Variants in TNXB observed in about 807,000 individuals in gnomAD.
TNXB encodes tenascin-X.
TNXB carries 183 observed loss-of-function variants against 340.5 expected under a neutral mutation model. The ratio of observed to expected loss-of-function variants is 0.54; its 90% confidence interval spans 0.48 to 0.61. TNXB has a LOEUF of 0.61. TNXB is among the 20% of genes least tolerant of loss of function. TNXB has a pLI of 0.00. For synonymous variants in TNXB, 2,121 were observed against 2,314.5 expected (o/e 0.92, Z 2.40); for missense variants, 4,613 against 5,446.4 (o/e 0.85, Z 4.82).
Position 32,043,765 on chromosome 6 carries a change from T to C in TNXB, c.11514A>G (p.Thr3838=). Residue 3838 remains threonine, a synonymous_variant, in exon 35 of 44, where the codon ACA becomes ACG. Coordinates refer to ENST00000644971, the MANE Select transcript of TNXB (RefSeq NM_001365276.2). ...CCATCTCACCCGTGGTGAGGAAGCC[T>C]GTGAGAGGCTCACTCTCCTCAAAGC... ...VRGFEESEPL[T]GFLTTVPDGP... is the part of the protein sequence containing the mutation. 6.2e-7 allele frequency: 1 copy of C among 1,613,476 alleles called. No individual in the cohort carries two copies.
chr6:32,105,503 T>C (rs1780934890), intron 1 of TNXB, among the ~76,000 whole-genome samples: 1 of 152,210 alleles, frequency 6.6e-6, no homozygotes, highest in African/African-American at 2.4e-5. Context: ...TTGGCTGCTG[T>C]ATCCCTGCAT....
rs1481278542 is a variant in TNXB, at chr6:32,079,337, G to T, written c.4071C>A (p.Pro1357=). 5.0e-6 allele frequency: 8 copies of T among 1,610,366 alleles called. No homozygotes were observed. Among genetic ancestry groups the T allele is most frequent in the East Asian group, 2.2e-5 (1 of 44,836 alleles). ...TAPQEDVDET[P]SPTELGTEAP... Reference sequence around the variant, plus strand: ...CCTCCGTGCCCAGTTCTGTGGGGCTGGGGGTCTCGTCCACATCCTCCTGAG... The same window carrying T: ...CCTCCGTGCCCAGTTCTGTGGGGCTTGGGGTCTCGTCCACATCCTCCTGAG... The change falls in exon 11 of 44, where the codon CCC becomes CCA. Residue 1357 remains proline, a synonymous_variant. Coordinates refer to ENST00000644971, the MANE Select transcript of TNXB (RefSeq NM_001365276.2). This position sits in a 1 kb window ranked among gnomAD's most constrained non-coding sequence, Gnocchi z 7.1.
chr6:32,054,014 T>G (rs551128068), intron 24 of TNXB, among the ~76,000 whole-genome samples: 18 of 152,012 alleles, frequency 1.2e-4, no homozygotes, highest in South Asian at 6.3e-4. Context: ...CCTGCACTGG[T>G]GTCTCCTCGC....
At position 32,062,532 on chromosome 6, in the gene TNXB, A is replaced by C. The variant is rs1304764574; in HGVS notation, c.6842-49T>G. ...GGGCATGCCTGGTGGGCCTCCTTTT[A>C]ACCAAGGGACTCTGGGATTCTCTTA... is the stretch of plus-strand genomic sequence containing the variant. On this transcript the variant is annotated intron_variant, in intron 19 of 43. Coordinates refer to ENST00000644971, the MANE Select transcript of TNXB (RefSeq NM_001365276.2). This position sits in a 1 kb window ranked among gnomAD's most constrained non-coding sequence, Gnocchi z 4.3. 3.3e-6 allele frequency: 5 copies of C among 1,508,780 alleles called. No homozygotes were observed. The highest frequency in any genetic ancestry group is 4.5e-6 in the Non-Finnish European group (5 of 1,119,714). 93.5% of individuals were successfully genotyped at this position (1,508,780 alleles called of 1,614,324 possible).
rs986920165 is a variant in TNXB, at chr6:32,108,302, C to T, written c.-9+879G>A. On this transcript the variant is annotated intron_variant, in intron 1 of 43. Transcript: ENST00000644971. The surrounding 1 kb of genome is among the most constrained non-coding windows in gnomAD (Gnocchi z 4.8). ...TCTATGCCATTAAATTCTTTCCAGG[C>T]GAGATAAGGGGCCCGCCCTTCCCAC... 2.0e-5 allele frequency among the ~76,000 whole-genome samples: 3 copies of T among 152,110 alleles called. No individual in the cohort carries two copies. The highest frequency in any genetic ancestry group is 4.4e-5 in the Non-Finnish European group (3 of 68,028).
In TNXB at chr6:32,068,603, G is replaced by A; in HGVS notation, c.6007C>T (p.Leu2003Phe). The A allele has an allele frequency of 6.2e-7, 1 of 1,613,944 alleles. No individual in the cohort carries two copies. ...LTVTDATPDS[L>F]SLSWTVPEGQ... is the part of the protein sequence containing the mutation. ...TCGGGAACTGTCCAGGACAGGCTGA[G>A]GGAGTCAGGGGTGGCATCTGTCACG... is the stretch of plus-strand genomic sequence containing the variant. Residue 2003 changes from leucine (L) to phenylalanine (F), a missense_variant, in exon 17 of 44, where the codon CTC becomes TTC. This residue lies in a region of TNXB where 4,327 missense variants were observed against 4,859.4 expected (regional missense o/e 0.89). Transcript: ENST00000644971. This position sits in a 1 kb window ranked among gnomAD's most constrained non-coding sequence, Gnocchi z 5.3.
chr6:32,099,178 C>T (rs1301919614), intron 1 of TNXB, among the ~76,000 whole-genome samples: 2 of 151,896 alleles, frequency 1.3e-5, no homozygotes, highest in Non-Finnish European at 2.9e-5. Context: ...ACACCTGGAT[C>T]CCAGCTCCTA....
Position 32,088,855 on chromosome 6 carries a change from T to C in TNXB, c.2709A>G (p.Glu903=), listed in dbSNP as rs770876303. 13 of 1,583,982 alleles carry C rather than the reference T, an allele frequency of 8.2e-6. No homozygotes were observed. In the Admixed American group the frequency reaches 2.4e-4, roughly 29 times the overall value. ...GCTCCGCTGTGACAGTCACCACATA[T>C]TCTACGCCTGGCATCAGGTCAGTCA... ...TLLTDLMPGV[E]YVVTVTAERG... Residue 903 remains glutamate, a synonymous_variant, in exon 6 of 44, where the codon GAA becomes GAG. Transcript: ENST00000644971.
rs1779414869 is a variant in TNXB, at chr6:32,081,365, C to T, written c.4042+3G>A. 6.5e-6 allele frequency: 10 copies of T among 1,531,272 alleles called. No individual in the cohort carries two copies. The highest frequency in any genetic ancestry group is 8.8e-6 in the Non-Finnish European group (10 of 1,133,000). 94.9% of individuals were successfully genotyped at this position (1,531,272 alleles called of 1,614,324 possible). A position where few individuals can be genotyped will look rare whatever the true frequency, so the allele number is the denominator to read the frequency against. The stretch of plus-strand genomic sequence containing the variant: ...GGAGGGAGGCCTGGCAGCCATGACT[C>T]ACCAGTCTTGGCCACCACAGACTCG... On this transcript the variant is annotated splice_donor_region_variant and intron_variant, in intron 10 of 43. Coordinates refer to ENST00000644971, the MANE Select transcript of TNXB (RefSeq NM_001365276.2). The surrounding 1 kb of genome is among the most constrained non-coding windows in gnomAD (Gnocchi z 5.1).
At position 32,052,381 on chromosome 6, in the gene TNXB, G is replaced by A. The variant is rs901832906; in HGVS notation, c.9115+289C>T. Among the ~76,000 whole-genome samples the A allele has an allele frequency of 6.6e-6, 1 of 151,916 alleles. No homozygotes were observed. Among genetic ancestry groups the A allele is most frequent in the Non-Finnish European group, 1.5e-5 (1 of 67,986 alleles). On this transcript the variant is annotated intron_variant, in intron 26 of 43. Coordinates refer to ENST00000644971, the MANE Select transcript of TNXB (RefSeq NM_001365276.2). This position sits in a 1 kb window ranked among gnomAD's most constrained non-coding sequence, Gnocchi z 4.7. ...TAGGAGAATCACTTGAACCCAGGAG[G>A]CGGAGGTTCCAGTGAGCCGAGATTG...
At chr6:32,048,219 G>A in intron 29 of TNXB, 144 bp downstream of exon 29, 1 of 1,041,716 alleles carries the variant, frequency 9.6e-7, no homozygotes, top group Non-Finnish European at 1.4e-6. Context: ...AGTGGGAGAG[G>A]AGAGCTCAGG....
rs1562892138 is a variant in TNXB at position 32,108,571 on chromosome 6, C to T, written c.-9+610G>A. Among the ~76,000 whole-genome samples, 1 of 152,086 alleles carries T rather than the reference C, an allele frequency of 6.6e-6. No homozygotes were observed. The highest frequency in any genetic ancestry group is 1.5e-5 in the Non-Finnish European group (1 of 68,016). ...GCAGGCTCTGTGCACGTCCCAGACC[C>T]GAGTCCTGACTGTCCCATTTCAGTA... On this transcript the variant is annotated intron_variant, in intron 1 of 43. Coordinates refer to ENST00000644971, the MANE Select transcript of TNXB (RefSeq NM_001365276.2). This position sits in a 1 kb window ranked among gnomAD's most constrained non-coding sequence, Gnocchi z 4.8.
At position 32,068,346 on chromosome 6, in the gene TNXB, A is replaced by G; in HGVS notation, c.6220+44T>C. ...GTCATCACCAAAGAGCAAGAGGGTG[A>G]CCCTCCCATGGCTCCCACCCTGGGG... On this transcript the variant is annotated intron_variant, in intron 17 of 43. Coordinates refer to ENST00000644971, the MANE Select transcript of TNXB (RefSeq NM_001365276.2). The surrounding 1 kb of genome is among the most constrained non-coding windows in gnomAD (Gnocchi z 5.3). The G allele has an allele frequency of 1.9e-6, 3 of 1,598,986 alleles. No individual in the cohort carries two copies. Among genetic ancestry groups the G allele is most frequent in the East Asian group, 2.2e-5 (1 of 44,660 alleles).
chr6:32,095,718 G>C lies in TNXB; in HGVS notation c.2135C>G (p.Pro712Arg). Residue 712 changes from proline (P) to arginine (R), a missense_variant, in exon 3 of 44, where the codon CCT (proline) becomes CGT (arginine). By Grantham distance (103) the Pro-to-Arg change is moderately radical. Coordinates refer to ENST00000644971, the MANE Select transcript of TNXB (RefSeq NM_001365276.2). The part of the protein sequence containing the change: ...QCVCVEGFRG[P>R]DCAIQTCPGD... ...TGGGCATGTCTGGATGGCACAGTCA[G>C]GGCCTCGGAAGCCCTCTACACACAC... 6.2e-7 allele frequency: 1 copy of C among 1,612,972 alleles called. No individual in the cohort carries two copies. The highest frequency in any genetic ancestry group is 1.1e-5 in the South Asian group (1 of 90,950).
chr6:32,063,121 C>T (rs555492436), intron 19 of TNXB, among the ~76,000 whole-genome samples: 1 of 152,086 alleles, frequency 6.6e-6, no homozygotes, highest in African/African-American at 2.4e-5. Context: ...GGCGTGGTGG[C>T]TCAGGCCTGT....
At position 32,062,167 on chromosome 6, in the gene TNXB, G is replaced by T; in HGVS notation, c.7158C>A (p.Ile2386=). The T allele has an allele frequency of 6.2e-7, 1 of 1,610,422 alleles. No homozygotes were observed. Among genetic ancestry groups the T allele is most frequent in the Non-Finnish European group, 8.5e-7 (1 of 1,177,804 alleles). The change falls in exon 20 of 44, where the codon ATC becomes ATA. Residue 2386 remains isoleucine, a synonymous_variant. Transcript: ENST00000644971. The surrounding 1 kb of genome is among the most constrained non-coding windows in gnomAD (Gnocchi z 4.3). ...GGQRVGPVSA[I]GVTAAEEETP... ...CCATCGTCCACTCACCTGTCACCCCGATGGCAGACACGGGGCCCACACGCT... is the reference window on the plus strand; with the variant it reads ...CCATCGTCCACTCACCTGTCACCCCTATGGCAGACACGGGGCCCACACGCT...
intron 21 of TNXB, among the ~76,000 whole-genome samples, chr6:32,059,564 G>A (rs1398346603): frequency 6.6e-6 from 1 of 151,936 alleles, no homozygotes; most frequent in Non-Finnish European, 1.5e-5. Flanking sequence ...TGTCAGTTCT[G>A]TGGTTCCCCA....
chr6:32,048,436 G>A lies in TNXB; in HGVS notation c.9972C>T (p.Arg3324=), dbSNP rs374307421. The change falls in exon 29 of 44, where the codon CGC becomes CGT. Residue 3324 remains arginine (R), a synonymous_variant. Transcript: ENST00000644971. Reference sequence around the variant, plus strand: ...GTCCAAAGAGCAGGAACTTGTACTTGCGGGCCGGGTCCAGCCCCGAGACGG... The same window carrying A: ...GTCCAAAGAGCAGGAACTTGTACTTACGGGCCGGGTCCAGCCCCGAGACGG... ...AVAVSGLDPA[R]KYKFLLFGLQ... 8 of 1,574,158 alleles carry A rather than the reference G, an allele frequency of 5.1e-6. No homozygotes were observed. Among genetic ancestry groups the A allele is most frequent in the Non-Finnish European group, 6.9e-6 (8 of 1,158,578 alleles).
rs1344092545 is a variant in TNXB, at chr6:32,081,188, G to C, written c.4042+180C>G. 6.6e-6 allele frequency among the ~76,000 whole-genome samples: 1 copy of C among 152,168 alleles called. No homozygotes were observed. The highest frequency in any genetic ancestry group is 1.9e-4 in the East Asian group (1 of 5,190). ...CTGAGGAAGAGATGAGGAGGTGGAG[G>C]CTGGATGAGGGGGACCTGGCATGCA... On this transcript the variant is annotated intron_variant, in intron 10 of 43. Transcript: ENST00000644971. The surrounding 1 kb of genome is among the most constrained non-coding windows in gnomAD (Gnocchi z 5.1).
Sources: allele counts gnomAD v4.1 joint callset (sites outside exome capture counted in the v4.1 genomes callset), GRCh38; gene constraint gnomAD v4.1.1; regional missense constraint gnomAD v4.1.1; non-coding constraint Gnocchi (gnomAD v3.1); transcripts MANE v1.5; gene names NCBI Gene and HGNC (gene_info 2026-07-23, HGNC 2026-07-21).